CSMD1: variants seen among roughly 807,000 people sequenced by gnomAD.
CSMD1 encodes the protein CUB and Sushi multiple domains 1, also known as CUB and sushi domain-containing protein 1.
In CSMD1, 213 loss-of-function variants were observed where a neutral mutation model predicts 417.5. The ratio of observed to expected loss-of-function variants is 0.51; its 90% CI spans 0.46 to 0.57. CSMD1 has a LOEUF of 0.57. Ranked by LOEUF, CSMD1 falls within the 20% of genes least tolerant of loss-of-function variation. The probability of loss-of-function intolerance (pLI) is 0.00; values close to 1 mark genes in which losing one functional copy is unlikely to be tolerated. For synonymous variants in CSMD1, 2,862 were observed against 1,736.8 expected (o/e 1.65, Z -16.11); for missense variants, 6,923 against 4,529.7 (o/e 1.53, Z -15.17).
chr8:4,303,606 A>G (rs1798099255), intron 3 of CSMD1, among the ~76,000 whole-genome samples: 1 of 152,040 alleles, frequency 6.6e-6, no homozygotes, highest in African/African-American at 2.4e-5. Flanking sequence ...GGACATTGTC[A>G]TATGAAGAGA....
At chr8:3,345,866 C>G (rs1402296037) in intron 22 of CSMD1, among the ~76,000 whole-genome samples, 3 of 152,112 alleles carry the variant, frequency 2.0e-5, no homozygotes, top group African/African-American at 7.2e-5. Context: ...AGATTTATTT[C>G]CAAAATTAAT....
chr8:4,022,477 G>C (rs371137695), intron 4 of CSMD1, among the ~76,000 whole-genome samples: 1 of 152,122 alleles, frequency 6.6e-6, no homozygotes, highest in South Asian at 2.1e-4. Flanking sequence ...CCTTGCTCAG[G>C]TTTAAAGACT....
At chr8:4,168,855 G>A (rs114742363) in intron 3 of CSMD1, among the ~76,000 whole-genome samples, 1 of 151,968 alleles carries the variant, frequency 6.6e-6, no homozygotes, top group African/African-American at 2.4e-5. Flanking sequence ...CTCCACCACA[G>A]TTGCTTTAGA....
chr8:3,301,346 G>C (rs1584957171), intron 25 of CSMD1, among the ~76,000 whole-genome samples: 2 of 152,130 alleles, frequency 1.3e-5, no homozygotes, highest in Middle Eastern at 6.8e-3. Context: ...CTTCAGATGG[G>C]GTCTAAATGA....
chr8:3,541,591 T>C (rs1036549013), intron 10 of CSMD1, among the ~76,000 whole-genome samples: 1 of 146,158 alleles, frequency 6.8e-6, no homozygotes, highest in Non-Finnish European at 1.5e-5. Flanking sequence ...AAAATAAAAA[T>C]AAAATACTCT....
chr8:3,792,451 G>C (rs941116523), intron 5 of CSMD1, among the ~76,000 whole-genome samples: 5 of 152,182 alleles, frequency 3.3e-5, no homozygotes, highest in African/African-American at 1.2e-4. Flanking sequence ...TGAACAAGAT[G>C]AGGACGGAGA....
chr8:2,958,465 A>G (rs1803185202), intron 62 of CSMD1, among the ~76,000 whole-genome samples: 1 of 152,200 alleles, frequency 6.6e-6, no homozygotes, highest in Admixed American at 6.5e-5. Context: ...TCCTGGAATT[A>G]CCTGTATATT....
At chr8:4,012,364 C>T (rs1816610381) in intron 4 of CSMD1, among the ~76,000 whole-genome samples, 1 of 152,152 alleles carries the variant, frequency 6.6e-6, no homozygotes, top group African/African-American at 2.4e-5. Flanking sequence ...TTCCTAAATA[C>T]ATTCATTCAT....
rs1054276053 is a variant in CSMD1 at position 3,435,538 on chromosome 8, C to G, written c.1562-25933G>C. Among the ~76,000 whole-genome samples the G allele has an allele frequency of 9.9e-5, 15 of 152,266 alleles. No individual in the cohort carries two copies. In the East Asian group the frequency reaches 2.7e-3, roughly 28 times the overall value. On this transcript the variant is annotated intron_variant, in intron 12 of 69. Transcript: ENST00000635120. ...GTCCACCTCTCCACTCTGTCCACCT[C>G]TCCGCCTGCATGGAGACTTCGAATC...
intron 7 of CSMD1, among the ~76,000 whole-genome samples, chr8:3,636,392 G>A (rs192795566): frequency 6.6e-6 from 1 of 152,256 alleles, no homozygotes; most frequent in Non-Finnish European, 1.5e-5. Flanking sequence ...TGGCTAGGCT[G>A]GTCTCAGACT....
chr8:4,939,325 T>C (rs1268632039), intron 1 of CSMD1, among the ~76,000 whole-genome samples: 4 of 152,216 alleles, frequency 2.6e-5, no homozygotes, highest in Non-Finnish European at 5.9e-5. Context: ...GAAGTCCATA[T>C]GTCGAGGCGG....
At position 2,937,810 on chromosome 8, in the gene CSMD1, T is replaced by C. The variant is rs568254749; in HGVS notation, c.*775A>G. On this transcript the variant is annotated 3_prime_UTR_variant, in exon 70 of 70. Coordinates refer to ENST00000635120, the MANE Select transcript of CSMD1 (RefSeq NM_033225.6). ...TTCCCTAACACTCCAACTAAGCTGA[T>C]GGGGGAATGTTTAGCTTGATAATAT... 11 of 152,786 alleles carry C rather than the reference T, an allele frequency of 7.2e-5. No homozygotes were observed. The highest frequency in any genetic ancestry group is 2.1e-4 in the South Asian group (1 of 4,832). 9.5% of individuals were successfully genotyped at this position (152,786 alleles called of 1,614,324 possible).
chr8:4,783,050 G>T (rs1032870498), intron 1 of CSMD1, among the ~76,000 whole-genome samples: 1 of 151,612 alleles, frequency 6.6e-6, no homozygotes, highest in Non-Finnish European at 1.5e-5. Flanking sequence ...TATAAACACT[G>T]ACCTCTTTCA....
chr8:3,886,006 T>A (rs1230722603), intron 5 of CSMD1, among the ~76,000 whole-genome samples: 1 of 151,982 alleles, frequency 6.6e-6, no homozygotes, highest in Non-Finnish European at 1.5e-5. Flanking sequence ...TGTGTACATA[T>A]ATATGTGTAC....
chr8:4,569,253 C>G (rs1393109893), intron 2 of CSMD1, among the ~76,000 whole-genome samples: 1 of 152,114 alleles, frequency 6.6e-6, no homozygotes, highest in African/African-American at 2.4e-5. Flanking sequence ...CCTAGGTTTT[C>G]TTCTAGGGTT....
At chr8:4,103,838 T>A (rs1405756282) in intron 3 of CSMD1, among the ~76,000 whole-genome samples, 2 of 152,226 alleles carry the variant, frequency 1.3e-5, no homozygotes, top group African/African-American at 4.8e-5. Flanking sequence ...TAAAATGCTC[T>A]AACTCCCTGG....
intron 1 of CSMD1, among the ~76,000 whole-genome samples, chr8:4,798,605 G>A (rs939911703): frequency 2.0e-5 from 3 of 152,066 alleles, no homozygotes; most frequent in South Asian, 2.1e-4. Flanking sequence ...GTGTTGGAAT[G>A]CTTTTTCAAT....
At chr8:4,925,282 T>A (rs1806781329) in intron 1 of CSMD1, among the ~76,000 whole-genome samples, 1 of 122,920 alleles carries the variant, frequency 8.1e-6, no homozygotes, top group Non-Finnish European at 1.6e-5. Flanking sequence ...GGCTCAAGAG[T>A]TCAACTTGAA....
At chr8:3,950,631 G>C (rs1388836234) in intron 5 of CSMD1, among the ~76,000 whole-genome samples, 1 of 152,144 alleles carries the variant, frequency 6.6e-6, no homozygotes, top group East Asian at 1.9e-4. Context: ...GAACGTGTTT[G>C]ATCTTTTTCT....
Sources: gnomAD v4.1 joint callset for allele counts (sites outside exome capture counted in the v4.1 genomes callset) on GRCh38, gnomAD v4.1.1 for gene constraint, MANE v1.5 for transcripts, NCBI Gene and HGNC (gene_info 2026-07-23, HGNC 2026-07-21) for gene names.